CACUL1: variants seen among roughly 807,000 people sequenced by gnomAD.
CACUL1 encodes the protein CDK2 associated cullin domain 1.
A neutral mutation model predicts 45.2 loss-of-function variants in CACUL1; 13 were observed. The ratio of observed to expected loss-of-function variants is 0.29; its 90% CI spans 0.19 to 0.46. The LOEUF (loss-of-function observed/expected upper bound fraction) is 0.46, where lower values mean the gene tolerates loss of function less well. Ranked by LOEUF, CACUL1 falls within the 20% of genes least tolerant of loss-of-function variation. CACUL1 has a pLI of 1.00. For synonymous variants in CACUL1, 197 were observed against 174.2 expected, an observed-to-expected ratio of 1.13 and a Z score of -1.03; for missense variants, 421 against 471.4, an observed-to-expected ratio of 0.89 and a Z score of 0.99.
At chr10:118,722,245 G>A (rs570313819) in intron 3 of CACUL1, among the ~76,000 whole-genome samples, 2 of 151,846 alleles carry the variant, frequency 1.3e-5, no homozygotes, top group South Asian at 2.1e-4. Flanking sequence ...CACCATGCCC[G>A]GCTAATTTTG....
chr10:118,750,726 A>G (rs1452908758), intron 1 of CACUL1, among the ~76,000 whole-genome samples: 2 of 152,232 alleles, frequency 1.3e-5, no homozygotes, highest in East Asian at 1.9e-4. Context: ...CCCACAAGCA[A>G]GTATACGTTT....
At chr10:118,717,555 A>C (rs1347461268) in intron 3 of CACUL1, among the ~76,000 whole-genome samples, 2 of 152,212 alleles carry the variant, frequency 1.3e-5, no homozygotes, top group African/African-American at 2.4e-5. Context: ...AGGTTTCTTT[A>C]ACTTACATCT....
intron 1 of CACUL1, among the ~76,000 whole-genome samples, chr10:118,748,588 G>A (rs1162875806): frequency 6.6e-6 from 1 of 152,126 alleles, no homozygotes; most frequent in African/African-American, 2.4e-5. Context: ...TCCAAAATCT[G>A]AAACTTTTTG....
intron 6 of CACUL1, chr10:118,693,622 C>T: frequency 9.6e-6 from 4 of 417,694 alleles, no homozygotes; most frequent in South Asian, 6.9e-5. Flanking sequence ...TTATAAGCTG[C>T]CTACTTGGGA....
chr10:118,740,946 A>G (rs1442427112), intron 1 of CACUL1, among the ~76,000 whole-genome samples: 3 of 152,064 alleles, frequency 2.0e-5, no homozygotes, highest in Non-Finnish European at 4.4e-5. Flanking sequence ...AAAACAAACA[A>G]AACTGTGATA....
rs1324080780 is a variant in CACUL1 at position 118,681,455 on chromosome 10, T to C, written c.*4673A>G. ...AACAAAACGCACTCTTCTAAGAGAA[T>C]ACCCAGTCTTAGTGCATTTAGTACA... is the stretch of plus-strand genomic sequence containing the variant. On this transcript the variant is annotated 3_prime_UTR_variant, in exon 9 of 9. Coordinates refer to ENST00000369151, the MANE Select transcript of CACUL1 (RefSeq NM_153810.5). 1.3e-5 allele frequency: 2 copies of C among 152,232 alleles called. No homozygotes were observed. The highest frequency in any genetic ancestry group is 1.5e-5 in the Non-Finnish European group (1 of 68,054). 9.4% of individuals were successfully genotyped at this position (152,232 alleles called of 1,614,324 possible).
chr10:118,711,197 A>C (rs1845481568), intron 3 of CACUL1, among the ~76,000 whole-genome samples: 1 of 152,210 alleles, frequency 6.6e-6, no homozygotes, highest in South Asian at 2.1e-4. Flanking sequence ...GCTCTGTCTC[A>C]GCCTCCTGAG....
chr10:118,729,251 A>C, intron 3 of CACUL1, 44 bp downstream of exon 3: 1 of 1,352,532 alleles, frequency 7.4e-7, no homozygotes, highest in Non-Finnish European at 1.1e-6. Flanking sequence ...GCAACCAGTC[A>C]GGAAAACCCA....
intron 3 of CACUL1, among the ~76,000 whole-genome samples, chr10:118,724,095 T>C (rs961981217): frequency 6.6e-6 from 1 of 152,174 alleles, no homozygotes; most frequent in Non-Finnish European, 1.5e-5. Flanking sequence ...CAATCAGGAA[T>C]CAGGCTTTAG....
chr10:118,707,139 A>C lies in CACUL1; in HGVS notation c.693+353T>G, dbSNP rs944977988. Reference sequence around the variant, plus strand: ...CTGTTCTATTTTTATGGAATGATTTACTTGGCATTTTACTTTCTGAGGACA... The same window carrying C: ...CTGTTCTATTTTTATGGAATGATTTCCTTGGCATTTTACTTTCTGAGGACA... On this transcript the variant is annotated intron_variant, in intron 4 of 8. Coordinates refer to ENST00000369151, the MANE Select transcript of CACUL1 (RefSeq NM_153810.5). 3.3e-5 allele frequency among the ~76,000 whole-genome samples: 5 copies of C among 152,364 alleles called. No individual in the cohort carries two copies. In the South Asian group the frequency reaches 1.0e-3, roughly 32 times the overall value.
intron 3 of CACUL1, among the ~76,000 whole-genome samples, chr10:118,715,539 C>A (rs1468461676): frequency 1.3e-5 from 2 of 152,100 alleles, no homozygotes; most frequent in Non-Finnish European, 2.9e-5. Context: ...AACCACTGGC[C>A]ACGTTTGGCT....
chr10:118,748,707 G>GA (rs375589823), intron 1 of CACUL1, among the ~76,000 whole-genome samples: 177 of 152,160 alleles, frequency 1.2e-3, no homozygotes, highest in African/African-American at 3.9e-3. Flanking sequence ...TCCAAAATCC[G>GA]AAAAAAATCT....
At chr10:118,707,231 T>TA (rs1251014116) in intron 4 of CACUL1, among the ~76,000 whole-genome samples, 1 of 152,206 alleles carries the variant, frequency 6.6e-6, no homozygotes, top group Non-Finnish European at 1.5e-5. Context: ...AGAAATAAAA[T>TA]AAGTACTCAT....
chr10:118,708,766 G>A (rs1845457096), intron 3 of CACUL1, among the ~76,000 whole-genome samples: 1 of 152,182 alleles, frequency 6.6e-6, no homozygotes, highest in African/African-American at 2.4e-5. Flanking sequence ...AAGGCCATGT[G>A]AGGACTGCAG....
At position 118,729,410 on chromosome 10, in the gene CACUL1, C is replaced by T; in HGVS notation, c.495-13G>A. On this transcript the variant is annotated splice_polypyrimidine_tract_variant and intron_variant, in intron 2 of 8. Transcript: ENST00000369151. ...TTTATACACACAACTGTAAAACAAA[C>T]AAAAACCCCCACAAACCAAGTTAAT... 1 of 1,579,844 alleles carries T rather than the reference C, an allele frequency of 6.3e-7. No individual in the cohort carries two copies.
At chr10:118,707,640 C>T (rs1212156300) in intron 3 of CACUL1, 53 bp from the exon 4 acceptor site, 1 of 794,324 alleles carries the variant, frequency 1.3e-6, no homozygotes, top group Non-Finnish European at 2.1e-6. Flanking sequence ...GAAAGACCTT[C>T]CACCATAATT....
At chr10:118,722,802 C>T (rs1335350705) in intron 3 of CACUL1, among the ~76,000 whole-genome samples, 2 of 152,180 alleles carry the variant, frequency 1.3e-5, no homozygotes, top group Non-Finnish European at 2.9e-5. Flanking sequence ...CAGGTCAGGG[C>T]AGAAGCACCT....
At chr10:118,754,156 G>T (rs541250105) in intron 1 of CACUL1, among the ~76,000 whole-genome samples, 4 of 152,294 alleles carry the variant, frequency 2.6e-5, no homozygotes, top group African/African-American at 9.6e-5. Flanking sequence ...GTGTGTACCA[G>T]GCTGCCTCTC....
In CACUL1 at chr10:118,701,458, T is replaced by C. The variant is rs1344494123; in HGVS notation, c.694-50A>G. On this transcript the variant is annotated intron_variant, in intron 4 of 8. Coordinates refer to ENST00000369151, the MANE Select transcript of CACUL1 (RefSeq NM_153810.5). The stretch of plus-strand genomic sequence containing the variant: ...TTTGTGTATTAATTGGGGAAATGAT[T>C]AGTCTAATGAACTGGAGCACTAAAT... 4.8e-6 allele frequency: 5 copies of C among 1,044,292 alleles called. 1 individual carries two copies. The South Asian group carries it at 8.7e-5, about 18-fold the overall frequency. 64.7% of individuals were successfully genotyped at this position (1,044,292 alleles called of 1,614,324 possible).
Sources: allele counts gnomAD v4.1 joint callset (sites outside exome capture counted in the v4.1 genomes callset), GRCh38; gene constraint gnomAD v4.1.1; transcripts MANE v1.5; gene names NCBI Gene and HGNC (gene_info 2026-07-23, HGNC 2026-07-21).